YAP1: variants seen among roughly 807,000 people sequenced by gnomAD.
The protein encoded by YAP1 is transcriptional coactivator YAP1.
Under a neutral mutation model 56.9 loss-of-function variants are expected in YAP1, and 5 were observed. The ratio of observed to expected loss-of-function variants is 0.09; its 90% confidence interval spans 0.05 to 0.18. The LOEUF (loss-of-function observed/expected upper bound fraction) is 0.18. Ranked by LOEUF, YAP1 falls within the 10% of genes least tolerant of loss-of-function variation. YAP1 has a pLI of 1.00. For missense variants in YAP1, 539 were observed against 651.8 expected (o/e 0.83, Z 1.88); for synonymous variants, 265 against 248.1 (o/e 1.07, Z -0.64).
chr11:102,195,822 A>G (rs988688170), intron 4 of YAP1, among the ~76,000 whole-genome samples: 1 of 152,190 alleles, frequency 6.6e-6, no homozygotes, highest in Non-Finnish European at 1.5e-5. Flanking sequence ...TAACAGCGCA[A>G]GAACAAACTA....
intron 3 of YAP1, among the ~76,000 whole-genome samples, chr11:102,183,330 G>T (rs550360818): frequency 8.8e-4 from 134 of 152,320 alleles, no homozygotes; most frequent in African/African-American, 3.1e-3. Context: ...CTTCAGAAAT[G>T]AATCCAGCTA....
intron 2 of YAP1, among the ~76,000 whole-genome samples, chr11:102,125,553 A>T (rs1447186633): frequency 2.0e-5 from 3 of 150,100 alleles, no homozygotes; most frequent in Non-Finnish European, 4.4e-5. Context: ...ATTTTTTTAT[A>T]TTTTTAGTAG....
chr11:102,215,749 G>A (rs1432222129), intron 6 of YAP1, among the ~76,000 whole-genome samples: 1 of 152,214 alleles, frequency 6.6e-6, no homozygotes, highest in African/African-American at 2.4e-5. Context: ...AAAGTGTTGG[G>A]ATTACAGTCA....
chr11:102,172,643 A>C (rs997738461), intron 3 of YAP1, among the ~76,000 whole-genome samples: 2 of 152,064 alleles, frequency 1.3e-5, no homozygotes, highest in African/African-American at 2.4e-5. Context: ...TATTGAATAC[A>C]AACTATGTGC....
chr11:102,145,894 C>G (rs919289020), intron 2 of YAP1, among the ~76,000 whole-genome samples: 2 of 152,192 alleles, frequency 1.3e-5, no homozygotes, highest in African/African-American at 4.8e-5. Context: ...TGATTCCTGA[C>G]TGTCTTGAAG....
intron 2 of YAP1, among the ~76,000 whole-genome samples, chr11:102,156,033 T>G (rs1355161254): frequency 6.7e-6 from 1 of 150,086 alleles, no homozygotes; most frequent in Non-Finnish European, 1.5e-5. Context: ...ATTTGTTTCA[T>G]CTTCACAGTT....
At chr11:102,210,765 GTTT>G (rs1178882725) in intron 6 of YAP1, among the ~76,000 whole-genome samples, 1 of 151,848 alleles carries the variant, frequency 6.6e-6, no homozygotes, top group Non-Finnish European at 1.5e-5. Flanking sequence ...TTTTGTTTTT[GTTT>G]TTGAGATGGA....
intron 4 of YAP1, among the ~76,000 whole-genome samples, chr11:102,203,449 A>G (rs1043015401): frequency 1.3e-5 from 2 of 152,142 alleles, no homozygotes; most frequent in African/African-American, 4.8e-5. Context: ...TTGTAATTAT[A>G]TTTTTCTTTT....
intron 2 of YAP1, among the ~76,000 whole-genome samples, chr11:102,116,286 A>G (rs1943284052): frequency 6.6e-6 from 1 of 152,232 alleles, no homozygotes; most frequent in African/African-American, 2.4e-5. Flanking sequence ...TAAGTAATCT[A>G]GAGGTGATAT....
rs773991529 is a variant in YAP1 at position 102,114,209 on chromosome 11, A to G, written c.387A>G (p.Pro129=). 9.3e-6 allele frequency: 15 copies of G among 1,613,884 alleles called. 1 individual carries two copies. In the East Asian group the frequency reaches 1.1e-4, roughly 12 times the overall value. The change falls in exon 2 of 9, where the codon CCA becomes CCG. Residue 129 remains proline, a synonymous_variant. Transcript: ENST00000282441. ...TPQHVRAHSS[P]ASLQLGAVSP... ...AGCATGTTCGAGCTCATTCCTCTCC[A>G]GCTTCTCTGCAGTTGGGAGCTGTTT... is the stretch of plus-strand genomic sequence containing the variant.
intron 2 of YAP1, among the ~76,000 whole-genome samples, chr11:102,128,027 A>T (rs1424375920): frequency 6.6e-6 from 1 of 152,148 alleles, no homozygotes; most frequent in African/African-American, 2.4e-5. Context: ...CTAGGAAGTA[A>T]CTAGCTTGCT....
chr11:102,185,015 A>G (rs1166591663), intron 3 of YAP1, among the ~76,000 whole-genome samples: 2 of 152,202 alleles, frequency 1.3e-5, no homozygotes, highest in African/African-American at 2.4e-5. Flanking sequence ...TACATAATAT[A>G]TAAGAACAAT....
At chr11:102,218,944 C>T (rs1949787232) in intron 6 of YAP1, among the ~76,000 whole-genome samples, 2 of 152,110 alleles carry the variant, frequency 1.3e-5, no homozygotes, top group Admixed American at 1.3e-4. Context: ...GCACATGATA[C>T]TAGTTTTAAC....
chr11:102,111,264 GGGGGGTTGCGGGAACTCTAGCTGGGGT>G (rs1337364982), intron 1 of YAP1, 95 bp downstream of exon 1: 33 of 1,454,740 alleles, frequency 2.3e-5, no homozygotes, highest in Middle Eastern at 1.8e-4. Flanking sequence ...GGTCAGGGGA[GGGGGGTTGCGGGAACTCTAGCTGGGGT>G]GGGGGTCCCG....
chr11:102,148,491 G>A (rs947052180), intron 2 of YAP1, among the ~76,000 whole-genome samples: 1 of 152,138 alleles, frequency 6.6e-6, no homozygotes, highest in Non-Finnish European at 1.5e-5. Context: ...TAAATCCCGT[G>A]TACTTAACGT....
intron 2 of YAP1, among the ~76,000 whole-genome samples, chr11:102,161,422 A>G (rs138061709): frequency 1.8e-3 from 270 of 151,904 alleles, no homozygotes; most frequent in African/African-American, 5.8e-3. Flanking sequence ...ATACTGTTTT[A>G]TAACCTATTT....
At chr11:102,225,530 C>T (rs937503715) in intron 7 of YAP1, among the ~76,000 whole-genome samples, 2 of 152,094 alleles carry the variant, frequency 1.3e-5, no homozygotes, top group African/African-American at 4.8e-5. Context: ...TGGTTTTTCC[C>T]TTGTTTACTA....
At chr11:102,157,415 T>TATA (rs796737728) in intron 2 of YAP1, among the ~76,000 whole-genome samples, 1 of 152,206 alleles carries the variant, frequency 6.6e-6, no homozygotes, top group African/African-American at 2.4e-5. Flanking sequence ...CATGTGACTC[T>TATA]ATAACACTTG....
At chr11:102,177,315 C>T (rs1947319239) in intron 3 of YAP1, among the ~76,000 whole-genome samples, 2 of 152,214 alleles carry the variant, frequency 1.3e-5, no homozygotes, top group Admixed American at 6.5e-5. Context: ...AGCCTTGAGT[C>T]AGAGGACTTC....
Sources: gnomAD v4.1 joint callset for allele counts (sites outside exome capture counted in the v4.1 genomes callset) on GRCh38, gnomAD v4.1.1 for gene constraint, MANE v1.5 for transcripts, NCBI Gene and HGNC (gene_info 2026-07-23, HGNC 2026-07-21) for gene names.